Variants in UBR2 observed in about 807,000 individuals in gnomAD.
UBR2 encodes the protein E3 ubiquitin-protein ligase UBR2.
Under a neutral mutation model 247.9 loss-of-function variants are expected in UBR2, and 92 were observed. The ratio of observed to expected loss-of-function variants is 0.37; its 90% confidence interval spans 0.31 to 0.44. The LOEUF (loss-of-function observed/expected upper bound fraction) is 0.44, where lower values mean the gene tolerates loss of function less well. Among genes scored for constraint, UBR2 ranks in the 20% least tolerant of loss-of-function variants. The probability of loss-of-function intolerance (pLI) is 1.00; values close to 1 mark genes in which losing one functional copy is unlikely to be tolerated. For missense variants in UBR2, 1,613 were observed against 2,112.6 expected, an observed-to-expected ratio of 0.76 and a Z score of 4.64; for synonymous variants, 672 against 693.5, an observed-to-expected ratio of 0.97 and a Z score of 0.49.
At chr6:42,595,236 T>C (rs564967321) in intron 4 of UBR2, among the ~76,000 whole-genome samples, 21 of 152,326 alleles carry the variant, frequency 1.4e-4, no homozygotes, top group Non-Finnish European at 2.5e-4. Context: ...TATAGTGCTG[T>C]AGAACATTAG....
chr6:42,579,166 A>C (rs1201128405), intron 2 of UBR2, among the ~76,000 whole-genome samples: 1 of 152,236 alleles, frequency 6.6e-6, no homozygotes, highest in Non-Finnish European at 1.5e-5. Flanking sequence ...ACATTTGCTC[A>C]GCTTCAGGTG....
intron 34 of UBR2, among the ~76,000 whole-genome samples, chr6:42,667,222 G>A (rs1798156253): frequency 6.6e-6 from 1 of 151,946 alleles, no homozygotes; most frequent in East Asian, 1.9e-4. Context: ...TGTAATCCCA[G>A]CTACTTGGGG....
rs1562303957 is a variant in UBR2 at position 42,607,695 on chromosome 6, TCCCACCAC to T, written c.864+1045_864+1052del. Among the ~76,000 whole-genome samples the T allele has an allele frequency of 1.4e-3, 137 of 100,386 alleles. 3 individuals carry two copies. Among genetic ancestry groups the T allele is most frequent in the African/African-American group, 5.5e-3 (98 of 17,694 alleles). The allele number at this position is 100,386 out of a possible 152,430, so 65.9% of individuals were successfully genotyped here. ...ACTCCCAGCTGGGAGGACAGGCATGTCCCACCACTCCCAGCTGTTTTTTTTTTTTTTTT... is the reference window on the plus strand; with the variant it reads ...ACTCCCAGCTGGGAGGACAGGCATGTTCCCAGCTGTTTTTTTTTTTTTTTT... On this transcript the variant is annotated intron_variant, in intron 7 of 46. Transcript: ENST00000372901.
At chr6:42,573,159 T>C (rs1374528078) in intron 1 of UBR2, among the ~76,000 whole-genome samples, 1 of 151,988 alleles carries the variant, frequency 6.6e-6, no homozygotes, top group Non-Finnish European at 1.5e-5. Context: ...AAAGGCCTTA[T>C]AGAGAGAGAG....
At chr6:42,661,709 C>G (rs1355047856) in intron 30 of UBR2, among the ~76,000 whole-genome samples, 1 of 152,020 alleles carries the variant, frequency 6.6e-6, no homozygotes, top group Non-Finnish European at 1.5e-5. Flanking sequence ...TGTGATTATT[C>G]GCTGTATGAG....
chr6:42,681,465 T>C (rs1168981307), intron 42 of UBR2, among the ~76,000 whole-genome samples: 1 of 152,118 alleles, frequency 6.6e-6, no homozygotes, highest in Non-Finnish European at 1.5e-5. Flanking sequence ...TAGGCATTTC[T>C]CCAAAGAAGA....
At chr6:42,670,023 TAAG>T (rs781688014) in intron 34 of UBR2, 66 bp from the exon 35 acceptor site, 1 of 1,558,532 alleles carries the variant, frequency 6.4e-7, no homozygotes, top group Non-Finnish European at 8.8e-7. Context: ...AAAGAGCTGT[TAAG>T]AAACCGAACC....
intron 29 of UBR2, 65 bp downstream of exon 29, chr6:42,658,889 G>A (rs969975111): frequency 2.6e-5 from 37 of 1,442,320 alleles, no homozygotes; most frequent in South Asian, 1.8e-4. Context: ...GCAGTGTTGC[G>A]TTTTCTCCTT....
chr6:42,597,920 C>CAA (rs138540169), intron 4 of UBR2, among the ~76,000 whole-genome samples: 11 of 139,002 alleles, frequency 7.9e-5, no homozygotes, highest in South Asian at 4.6e-4. Context: ...TCTCAAAAAC[C>CAA]AAAAAAAAAA....
At chr6:42,588,799 C>T (rs1034971311) in intron 2 of UBR2, among the ~76,000 whole-genome samples, 5 of 152,176 alleles carry the variant, frequency 3.3e-5, no homozygotes, top group Admixed American at 6.5e-5. Context: ...TTTCTGGTAA[C>T]TGGCCCTGTA....
intron 2 of UBR2, among the ~76,000 whole-genome samples, chr6:42,579,164 T>C (rs1791713860): frequency 6.6e-6 from 1 of 152,184 alleles, no homozygotes; most frequent in Non-Finnish European, 1.5e-5. Flanking sequence ...AAACATTTGC[T>C]CAGCTTCAGG....
intron 4 of UBR2, among the ~76,000 whole-genome samples, chr6:42,596,334 A>G (rs772847123): frequency 4.6e-5 from 7 of 152,022 alleles, no homozygotes; most frequent in Non-Finnish European, 8.8e-5. Flanking sequence ...TAAGATGACT[A>G]TTAAAGTAAT....
intron 41 of UBR2, 52 bp from the exon 42 acceptor site, chr6:42,679,672 A>G: frequency 1.5e-6 from 2 of 1,321,042 alleles, no homozygotes; most frequent in East Asian, 4.6e-5. Context: ...ACTCTCATGC[A>G]GAATATGCCC....
At chr6:42,612,432 T>G in intron 8 of UBR2, 141 bp downstream of exon 8, 4 of 1,082,848 alleles carry the variant, frequency 3.7e-6, no homozygotes, top group East Asian at 2.6e-5. Context: ...AAAATATCTT[T>G]ATGCATAGAA....
chr6:42,635,682 C>A, intron 14 of UBR2, 136 bp downstream of exon 14: 1 of 1,072,864 alleles, frequency 9.3e-7, no homozygotes, highest in Non-Finnish European at 1.3e-6. Flanking sequence ...TTTTCCTTCT[C>A]CACCTATAAA....
chr6:42,614,443 C>CATATATACGTATATATGTATGTATGTAA (rs1794407180), intron 8 of UBR2, among the ~76,000 whole-genome samples: 1 of 139,838 alleles, frequency 7.2e-6, no homozygotes. Flanking sequence ...TATGTACGTA[C>CATATATACGTATATATGTATGTATGTAA]ATATATATGT....
chr6:42,637,266 A>T, intron 15 of UBR2, 72 bp downstream of exon 15: 1 of 1,472,746 alleles, frequency 6.8e-7, no homozygotes, highest in Non-Finnish European at 9.2e-7. Context: ...ATATCTGTGA[A>T]TACTTACTTT....
rs1799789549 is a variant in UBR2 at position 42,692,297 on chromosome 6, T to C, written c.*1124T>C. ...AGAACCCACTCCCACCCAGCCAGCA[T>C]TTCCTGGAACAGACAAGCTGCTGCT... On this transcript the variant is annotated 3_prime_UTR_variant, in exon 47 of 47. Transcript: ENST00000372901. 6.6e-6 allele frequency: 1 copy of C among 152,194 alleles called. No individual in the cohort carries two copies. The highest frequency in any genetic ancestry group is 1.5e-5 in the Non-Finnish European group (1 of 68,040). 9.4% of individuals were successfully genotyped at this position (152,194 alleles called of 1,614,324 possible).
At chr6:42,658,202 A>C in intron 27 of UBR2, 38 bp from the exon 28 acceptor site, 1 of 1,609,856 alleles carries the variant, frequency 6.2e-7, no homozygotes, top group Non-Finnish European at 8.5e-7. Flanking sequence ...CATTGTGATC[A>C]TATTTCATAC....
Sources: allele counts gnomAD v4.1 joint callset (sites outside exome capture counted in the v4.1 genomes callset), GRCh38; gene constraint gnomAD v4.1.1; transcripts MANE v1.5; gene names NCBI Gene and HGNC (gene_info 2026-07-23, HGNC 2026-07-21).